SLC44A5: variants seen among roughly 807,000 people sequenced by gnomAD.
SLC44A5 encodes the protein solute carrier family 44 member 5.
A neutral mutation model predicts 101.8 loss-of-function variants in SLC44A5; 57 were observed. That is an observed-to-expected ratio of 0.56 (90% CI 0.45 to 0.70). The LOEUF (loss-of-function observed/expected upper bound fraction) is 0.70, where lower values mean the gene tolerates loss of function less well. SLC44A5 is among the 30% of genes least tolerant of loss of function. The pLI is 0.00. For synonymous variants in SLC44A5, 281 were observed against 290.9 expected (o/e 0.97, Z 0.35); for missense variants, 737 against 853.1 (o/e 0.86, Z 1.70).
the SLC44A5 span, chr1:75,641,472 T>G: frequency 7.1e-7 from 1 of 1,413,446 alleles, no homozygotes. Context: ...TGACTTCCAC[T>G]GCCAGCAGAA....
the SLC44A5 span, among the ~76,000 whole-genome samples, chr1:75,670,570 A>G: frequency 6.6e-6 from 1 of 152,210 alleles, no homozygotes; most frequent in African/African-American, 2.4e-5. Flanking sequence ...GAAATTTGTA[A>G]TGGCTTAAAG....
chr1:75,713,198 T>C, the SLC44A5 span, among the ~76,000 whole-genome samples: 1 of 152,214 alleles, frequency 6.6e-6, no homozygotes. Flanking sequence ...TGTAAAGAAA[T>C]AGGAGACAGT....
the SLC44A5 span, among the ~76,000 whole-genome samples, chr1:75,707,302 A>G: frequency 2.0e-5 from 3 of 152,172 alleles, no homozygotes; most frequent in African/African-American, 7.2e-5. Flanking sequence ...AAGAAGCTGG[A>G]GCTGCTTGTT....
the SLC44A5 span, among the ~76,000 whole-genome samples, chr1:75,721,413 T>C: frequency 1.3e-5 from 2 of 152,236 alleles, no homozygotes; most frequent in Non-Finnish European, 2.9e-5. Context: ...TGCGTTTTTG[T>C]TTTGGTTTGT....
chr1:75,398,298 A>G (rs1662257250), intron 2 of SLC44A5: 1 of 727,380 alleles, frequency 1.4e-6, no homozygotes, highest in Non-Finnish European at 1.7e-6. Context: ...CTCTGCCTCC[A>G]GCCCTCTACT....
At chr1:75,292,935 T>C (rs563295878) in intron 5 of SLC44A5, among the ~76,000 whole-genome samples, 5 of 152,348 alleles carry the variant, frequency 3.3e-5, no homozygotes, top group Middle Eastern at 3.4e-3. Context: ...TTGGGTTACG[T>C]TGGTGAATAA....
chr1:75,540,257 T>C (rs211745), intron 2 of SLC44A5, among the ~76,000 whole-genome samples: 96,055 of 152,122 alleles, frequency 0.63, 30,978 homozygotes, highest in Middle Eastern at 0.72. Flanking sequence ...TTATTGTTAT[T>C]TTTTACAGAT....
At position 75,213,915 on chromosome 1, in the gene SLC44A5, T is replaced by C. The variant is rs760710315; in HGVS notation, c.1873+4A>G. 2.5e-6 allele frequency: 4 copies of C among 1,572,428 alleles called. No homozygotes were observed. Among genetic ancestry groups the C allele is most frequent in the Non-Finnish European group, 3.5e-6 (4 of 1,152,524 alleles). ...TTTTTATTATTTTCATCATGATTAC[T>C]TACCTATACTTCCAGCAACTAGAAG... is the stretch of plus-strand genomic sequence containing the variant. On this transcript the variant is annotated splice_donor_region_variant and intron_variant, in intron 21 of 23. Coordinates refer to ENST00000370859, the MANE Select transcript of SLC44A5 (RefSeq NM_001130058.2).
At chr1:75,527,171 G>C (rs899823816) in intron 2 of SLC44A5, among the ~76,000 whole-genome samples, 1 of 147,968 alleles carries the variant, frequency 6.8e-6, no homozygotes, top group African/African-American at 2.5e-5. Context: ...AAAAGAAAAA[G>C]AAAAGGAAAG....
At chr1:75,655,076 T>C in the SLC44A5 span, among the ~76,000 whole-genome samples, 2 of 152,164 alleles carry the variant, frequency 1.3e-5, no homozygotes, top group Non-Finnish European at 2.9e-5. Flanking sequence ...AACTAAATCT[T>C]AACTGGAGTC....
At chr1:75,283,618 T>G (rs972991292) in intron 5 of SLC44A5, among the ~76,000 whole-genome samples, 1 of 152,186 alleles carries the variant, frequency 6.6e-6, no homozygotes, top group Non-Finnish European at 1.5e-5. Context: ...TCTAGAATTT[T>G]TATGGTTTCA....
chr1:75,368,621 T>C (rs1660013787), intron 3 of SLC44A5, among the ~76,000 whole-genome samples: 1 of 150,310 alleles, frequency 6.7e-6, no homozygotes, highest in Non-Finnish European at 1.5e-5. Flanking sequence ...TTTTGCTCTC[T>C]CTGTCTCTTT....
intron 2 of SLC44A5, among the ~76,000 whole-genome samples, chr1:75,430,305 C>T (rs1664543380): frequency 6.6e-6 from 1 of 152,222 alleles, no homozygotes; most frequent in Admixed American, 6.5e-5. Context: ...ATCTTGGAAG[C>T]AGAGACCAGT....
intron 2 of SLC44A5, among the ~76,000 whole-genome samples, chr1:75,465,838 C>T (rs547456700): frequency 6.6e-6 from 1 of 152,086 alleles, no homozygotes; most frequent in Non-Finnish European, 1.5e-5. Context: ...AGGAAAAAAT[C>T]CAAAACCTGA....
At chr1:75,599,376 T>G (rs1674838961) in intron 1 of SLC44A5, among the ~76,000 whole-genome samples, 1 of 152,100 alleles carries the variant, frequency 6.6e-6, no homozygotes, top group South Asian at 2.1e-4. Flanking sequence ...ACAGAACAAT[T>G]GGAGACAGAA....
the SLC44A5 span, among the ~76,000 whole-genome samples, chr1:75,663,903 C>A: frequency 6.6e-6 from 1 of 151,998 alleles, no homozygotes; most frequent in African/African-American, 2.4e-5. Context: ...GATCCAAAAA[C>A]CCTCGACAAA....
intron 4 of SLC44A5, among the ~76,000 whole-genome samples, chr1:75,318,739 A>G (rs1655907586): frequency 6.6e-6 from 1 of 152,108 alleles, no homozygotes; most frequent in African/African-American, 2.4e-5. Context: ...AATCTACTCT[A>G]AGCTTCATTT....
At chr1:75,337,953 C>T (rs548014904) in intron 4 of SLC44A5, among the ~76,000 whole-genome samples, 1 of 152,302 alleles carries the variant, frequency 6.6e-6, no homozygotes, top group East Asian at 1.9e-4. Flanking sequence ...AGTCCTGCTG[C>T]TAAAGGCAAT....
At position 75,480,026 on chromosome 1, in the gene SLC44A5, T is replaced by C. The variant is rs910126510; in HGVS notation, c.13+61409A>G. On this transcript the variant is annotated intron_variant, in intron 2 of 23. Coordinates refer to ENST00000370859, the MANE Select transcript of SLC44A5 (RefSeq NM_001130058.2). ...CAATAAAATACTGGCAAACCGAATC[T>C]GGCAGCACATCAAAAAGCTTATCCA... Among the ~76,000 whole-genome samples the C allele has an allele frequency of 1.2e-4, 19 of 152,268 alleles. No homozygotes were observed. In the East Asian group the frequency reaches 2.3e-3, roughly 19 times the overall value.
Sources: gnomAD v4.1 joint callset for allele counts (sites outside exome capture counted in the v4.1 genomes callset) on GRCh38, gnomAD v4.1.1 for gene constraint, MANE v1.5 for transcripts, NCBI Gene and HGNC (gene_info 2026-07-23, HGNC 2026-07-21) for gene names.